The following TERT variants were observed in gnomAD, a reference collection of about 807,000 sequenced individuals.
TERT encodes telomerase reverse transcriptase, also known as telomerase catalytic subunit.
TERT carries 42 observed loss-of-function variants against 104.0 expected under a neutral mutation model. That is an observed-to-expected ratio of 0.40 (90% confidence interval 0.32 to 0.52). The LOEUF is 0.52. TERT is among the 20% of genes least tolerant of loss of function. TERT has a pLI of 0.43. For missense variants in TERT, 1,101 were observed against 1,610.3 expected (o/e 0.68, Z 5.41); for synonymous variants, 781 against 725.6 (o/e 1.08, Z -1.23).
chr5:1,268,746 C>A lies in TERT; in HGVS notation c.2469-113G>T. On this transcript the variant is annotated intron_variant, in intron 8 of 15. Transcript: ENST00000310581. This position sits in a 1 kb window ranked among gnomAD's most constrained non-coding sequence, Gnocchi z 5.5. ...CTCATACACACAAACGACACGTCTA[C>A]CATTCAGCCGGCAAACACCTCAGAA... 2.9e-6 allele frequency: 2 copies of A among 700,266 alleles called. No individual in the cohort carries two copies. Among genetic ancestry groups the A allele is most frequent in the Non-Finnish European group, 5.1e-6 (2 of 390,688 alleles). The allele number at this position is 700,266 out of a possible 1,614,324, so 43.4% of individuals were successfully genotyped here.
rs1370776602 is a variant in TERT, at chr5:1,257,296, G to T, written c.3032+1302C>A. ...GGTGGCAGGTCACATGGCCCTGGGA[G>T]TTTCCCAGGAGTTTTCACCTGGGAA... On this transcript the variant is annotated intron_variant, in intron 13 of 15. Transcript: ENST00000310581. The surrounding 1 kb of genome is among the most constrained non-coding windows in gnomAD (Gnocchi z 5.6). Among the ~76,000 whole-genome samples, 1 of 151,980 alleles carries T rather than the reference G, an allele frequency of 6.6e-6. No individual in the cohort carries two copies. Among genetic ancestry groups the T allele is most frequent in the Non-Finnish European group, 1.5e-5 (1 of 67,962 alleles).
In TERT at chr5:1,293,299, C is replaced by T. The variant is rs2126683518; in HGVS notation, c.1573+14G>A. On this transcript the variant is annotated intron_variant, in intron 2 of 15. Transcript: ENST00000310581. ...CTCTGGGGCCTGGGCCCTCGACGGCCACCACCTCCTCACCTGGGCTCCTGC... is the reference window on the plus strand; with the variant it reads ...CTCTGGGGCCTGGGCCCTCGACGGCTACCACCTCCTCACCTGGGCTCCTGC... 1 of 1,612,288 alleles carries T rather than the reference C, an allele frequency of 6.2e-7. No homozygotes were observed. Among genetic ancestry groups the T allele is most frequent in the Non-Finnish European group, 8.5e-7 (1 of 1,179,994 alleles).
At position 1,287,508 on chromosome 5, in the gene TERT, A is replaced by AAAATAT. The variant is rs1554041994; in HGVS notation, c.1574-4885_1574-4884insATATTT. On this transcript the variant is annotated intron_variant, in intron 2 of 15. Transcript: ENST00000310581. The surrounding 1 kb of genome is among the most constrained non-coding windows in gnomAD (Gnocchi z 4.3). Reference sequence around the variant, plus strand: ...CCAAGACTCTGTCTCAAAAAAAAAAAATATATATATATATATATAAATTAA... The same window carrying AAAATAT: ...CCAAGACTCTGTCTCAAAAAAAAAAAAAATATATATATATATATATATATAAATTAA... Among the ~76,000 whole-genome samples, 34 of 140,720 alleles carry AAAATAT rather than the reference A, an allele frequency of 2.4e-4. No homozygotes were observed. Among genetic ancestry groups the AAAATAT allele is most frequent in the Admixed American group, 9.2e-4 (13 of 14,204 alleles). The allele number at this position is 140,720 out of a possible 152,430, so 92.3% of individuals were successfully genotyped here.
At position 1,255,191 on chromosome 5, in the gene TERT, G is replaced by A; in HGVS notation, c.3157+96C>T. On this transcript the variant is annotated intron_variant, in intron 14 of 15. Coordinates refer to ENST00000310581, the MANE Select transcript of TERT (RefSeq NM_198253.3). This position sits in a 1 kb window ranked among gnomAD's most constrained non-coding sequence, Gnocchi z 6.9. ...AAACCACTTCCTGATGCGAAAAGGGGTAAGAACTTCCTAAGCCCAGATTCA... is the reference window on the plus strand; with the variant it reads ...AAACCACTTCCTGATGCGAAAAGGGATAAGAACTTCCTAAGCCCAGATTCA... The A allele has an allele frequency of 6.6e-7, 1 of 1,513,368 alleles. No homozygotes were observed. 93.7% of individuals were successfully genotyped at this position (1,513,368 alleles called of 1,614,324 possible). A position where few individuals can be genotyped will look rare whatever the true frequency, so the allele number is the denominator to read the frequency against.
At chr5:1,283,271 C>G (rs570188388) in intron 2 of TERT, among the ~76,000 whole-genome samples, 2 of 129,530 alleles carry the variant, frequency 1.5e-5, no homozygotes, top group South Asian at 5.2e-4. Flanking sequence ...ATCCAGCTAA[C>G]CGCAGGGCCT....
rs752959538 is a variant in TERT at position 1,255,845 on chromosome 5, C to A, written c.3033-434G>T. Among the ~76,000 whole-genome samples the A allele has an allele frequency of 4.6e-5, 7 of 152,130 alleles. No homozygotes were observed. Among genetic ancestry groups the A allele is most frequent in the Non-Finnish European group, 8.8e-5 (6 of 68,022 alleles). On this transcript the variant is annotated intron_variant, in intron 13 of 15. Coordinates refer to ENST00000310581, the MANE Select transcript of TERT (RefSeq NM_198253.3). This position sits in a 1 kb window ranked among gnomAD's most constrained non-coding sequence, Gnocchi z 6.9. ...GATGTCATCGTATATCAACGTCCTGCGCATCCCTTCTGAGCCACCCGCCCC... is the reference window on the plus strand; with the variant it reads ...GATGTCATCGTATATCAACGTCCTGAGCATCCCTTCTGAGCCACCCGCCCC...
Position 1,269,047 on chromosome 5 carries a change from G to A in TERT, c.2469-414C>T, listed in dbSNP as rs779381759. 8.6e-5 allele frequency among the ~76,000 whole-genome samples: 13 copies of A among 151,682 alleles called. No homozygotes were observed. The highest frequency in any genetic ancestry group is 1.6e-4 in the Non-Finnish European group (11 of 67,978). On this transcript the variant is annotated intron_variant, in intron 8 of 15. Coordinates refer to ENST00000310581, the MANE Select transcript of TERT (RefSeq NM_198253.3). The surrounding 1 kb of genome is among the most constrained non-coding windows in gnomAD (Gnocchi z 9.0). ...CTACATGTAGCCGCTGCGCGCCAAC[G>A]GATACAACCTTGCCCCTAGTTTCAG...
In TERT at chr5:1,287,305, G is replaced by A. The variant is rs1750552304; in HGVS notation, c.1574-4681C>T. 6.6e-6 allele frequency among the ~76,000 whole-genome samples: 1 copy of A among 152,070 alleles called. No homozygotes were observed. The highest frequency in any genetic ancestry group is 2.1e-4 in the South Asian group (1 of 4,808). On this transcript the variant is annotated intron_variant, in intron 2 of 15. Transcript: ENST00000310581. This position sits in a 1 kb window ranked among gnomAD's most constrained non-coding sequence, Gnocchi z 4.3. The stretch of plus-strand genomic sequence containing the variant: ...CCTTGAGTCCAAGAGTTTGAGACCA[G>A]CCTGGGCAACACAGCAAGACCCTGT...
intron 12 of TERT, among the ~76,000 whole-genome samples, chr5:1,259,231 G>A (rs1747997099): frequency 7.0e-6 from 1 of 141,952 alleles, no homozygotes; most frequent in Non-Finnish European, 1.5e-5. Flanking sequence ...GGACGTGGAT[G>A]CCCACAGGAG....
At chr5:1,275,734 C>T (rs558291442) in intron 6 of TERT, among the ~76,000 whole-genome samples, 3 of 131,638 alleles carry the variant, frequency 2.3e-5, no homozygotes, top group South Asian at 4.7e-4. Flanking sequence ...CCCACAGATC[C>T]CCACCTATCC....
At position 1,280,439 on chromosome 5, in the gene TERT, G is replaced by A. The variant is rs1045350915; in HGVS notation, c.1770-101C>T. ...CCCCCACCGACTCAGTGAGGGCTCA[G>A]GGCACCCACGGCAGCACACGCTGAA... On this transcript the variant is annotated intron_variant, in intron 3 of 15. Transcript: ENST00000310581. 54 of 1,298,716 alleles carry A rather than the reference G, an allele frequency of 4.2e-5. No individual in the cohort carries two copies. In the East Asian group the frequency reaches 1.2e-3, roughly 28 times the overall value. The allele number at this position is 1,298,716 out of a possible 1,614,324, so 80.4% of individuals were successfully genotyped here. A position where few individuals can be genotyped will look rare whatever the true frequency, so the allele number is the denominator to read the frequency against.
chr5:1,279,387 G>A lies in TERT; in HGVS notation c.2034C>T (p.Ala678=). The A allele has an allele frequency of 6.4e-7, 1 of 1,560,552 alleles. No homozygotes were observed. The highest frequency in any genetic ancestry group is 1.4e-5 in the African/African-American group (1 of 73,604). Residue 678 remains alanine (A), a synonymous_variant, in exon 5 of 16, where the codon GCC becomes GCT. Transcript: ENST00000310581. ...ERARRPGLLG[A]SVLGLDDIHR... Reference sequence around the variant, plus strand: ...GGATATCGTCCAGGCCCAGCACAGAGGCGCCCAGGAGGCCGGGGCGCCGCG... The same window carrying A: ...GGATATCGTCCAGGCCCAGCACAGAAGCGCCCAGGAGGCCGGGGCGCCGCG...
chr5:1,257,149 C>G lies in TERT; in HGVS notation c.3032+1449G>C, dbSNP rs1747805155. Among the ~76,000 whole-genome samples the G allele has an allele frequency of 6.6e-6, 1 of 152,194 alleles. No individual in the cohort carries two copies. Among genetic ancestry groups the G allele is most frequent in the African/African-American group, 2.4e-5 (1 of 41,462 alleles). ...CCAATCAAGCGACTACCCAAGGGTCCCCACATGGGTGGGGAAACTCAGCCG... is the reference window on the plus strand; with the variant it reads ...CCAATCAAGCGACTACCCAAGGGTCGCCACATGGGTGGGGAAACTCAGCCG... On this transcript the variant is annotated intron_variant, in intron 13 of 15. Transcript: ENST00000310581. The surrounding 1 kb of genome is among the most constrained non-coding windows in gnomAD (Gnocchi z 5.6).
rs1261727054 is a variant in TERT, at chr5:1,288,705, C to T, written c.1573+4608G>A. On this transcript the variant is annotated intron_variant, in intron 2 of 15. Coordinates refer to ENST00000310581, the MANE Select transcript of TERT (RefSeq NM_198253.3). The surrounding 1 kb of genome is among the most constrained non-coding windows in gnomAD (Gnocchi z 5.3). ...ACAGAGAACCCTTTCTGGGATGTCT[C>T]CAGCAACACGTGGCAGCAGACACAG... is the stretch of plus-strand genomic sequence containing the variant. Among the ~76,000 whole-genome samples, 1 of 152,168 alleles carries T rather than the reference C, an allele frequency of 6.6e-6. No homozygotes were observed. Among genetic ancestry groups the T allele is most frequent in the Admixed American group, 6.5e-5 (1 of 15,278 alleles).
intron 2 of TERT, among the ~76,000 whole-genome samples, chr5:1,283,335 C>A (rs1579581498): frequency 1.6e-5 from 2 of 127,996 alleles, no homozygotes; most frequent in Non-Finnish European, 3.3e-5. Flanking sequence ...CAGCTCACTG[C>A]AGGGCCTGGC....
rs566062663 is a variant in TERT, at chr5:1,288,912, G to T, written c.1573+4401C>A. On this transcript the variant is annotated intron_variant, in intron 2 of 15. Coordinates refer to ENST00000310581, the MANE Select transcript of TERT (RefSeq NM_198253.3). The surrounding 1 kb of genome is among the most constrained non-coding windows in gnomAD (Gnocchi z 5.3). ...AGTCCCGTGTCCCCGTAGCAAAATG[G>T]AACGGAGAGGTGACCAAGAAGAGCC... Among the ~76,000 whole-genome samples the T allele has an allele frequency of 2.0e-5, 3 of 152,312 alleles. No individual in the cohort carries two copies. Among genetic ancestry groups the T allele is most frequent in the Non-Finnish European group, 4.4e-5 (3 of 68,018 alleles).
Position 1,286,154 on chromosome 5 carries a change from C to T in TERT, c.1574-3530G>A, listed in dbSNP as rs956396786. Among the ~76,000 whole-genome samples the T allele has an allele frequency of 1.1e-4, 16 of 152,172 alleles. No homozygotes were observed. Among genetic ancestry groups the T allele is most frequent in the African/African-American group, 3.6e-4 (15 of 41,440 alleles). ...AAGGAACGCTGGCCACGTGGTGCTC[C>T]AGACACTCACGGGCCAAGATGACCG... On this transcript the variant is annotated intron_variant, in intron 2 of 15. Transcript: ENST00000310581. The surrounding 1 kb of genome is among the most constrained non-coding windows in gnomAD (Gnocchi z 5.3).
chr5:1,289,370 C>T (rs1187960339), intron 2 of TERT, among the ~76,000 whole-genome samples: 1 of 138,992 alleles, frequency 7.2e-6, no homozygotes, highest in African/African-American at 2.7e-5. Flanking sequence ...ACAGGGACAC[C>T]CGGGGACGGG....
rs986453767 is a variant in TERT at position 1,265,928 on chromosome 5, C to T, written c.2654+536G>A. 6.6e-6 allele frequency among the ~76,000 whole-genome samples: 1 copy of T among 152,192 alleles called. No individual in the cohort carries two copies. Among genetic ancestry groups the T allele is most frequent in the Non-Finnish European group, 1.5e-5 (1 of 68,030 alleles). On this transcript the variant is annotated intron_variant, in intron 10 of 15. Coordinates refer to ENST00000310581, the MANE Select transcript of TERT (RefSeq NM_198253.3). The surrounding 1 kb of genome is among the most constrained non-coding windows in gnomAD (Gnocchi z 6.9). ...GATTCACAAAAATCAACTCTGAAAC[C>T]CACTCCTAGCCATCTCCGTGGTTCA...
Sources: allele counts gnomAD v4.1 joint callset (sites outside exome capture counted in the v4.1 genomes callset), GRCh38; gene constraint gnomAD v4.1.1; non-coding constraint Gnocchi (gnomAD v3.1); transcripts MANE v1.5; gene names NCBI Gene and HGNC (gene_info 2026-07-23, HGNC 2026-07-21).